HS2ST1: variants seen among roughly 807,000 people sequenced by gnomAD.
HS2ST1 encodes heparan sulfate 2-O-sulfotransferase 1, also known as 2-O-sulfotransferase.
Under a neutral mutation model 42.9 loss-of-function variants are expected in HS2ST1, and 18 were observed. That is an observed-to-expected ratio of 0.42 (90% CI 0.29 to 0.62). HS2ST1 has a LOEUF of 0.62. Among genes scored for constraint, HS2ST1 ranks in the 20% least tolerant of loss-of-function variants. HS2ST1 has a pLI of 0.21. For synonymous variants in HS2ST1, 146 were observed against 152.9 expected (o/e 0.95, Z 0.33); for missense variants, 334 against 433.8 (o/e 0.77, Z 2.04).
chr1:87,081,685 G>C (rs1386970779), intron 2 of HS2ST1, among the ~76,000 whole-genome samples: 4 of 151,994 alleles, frequency 2.6e-5, no homozygotes, highest in Non-Finnish European at 5.9e-5. Flanking sequence ...ATGATGATCA[G>C]AACAGAAATA....
intron 1 of HS2ST1, among the ~76,000 whole-genome samples, chr1:87,003,546 A>G (rs1649349997): frequency 6.6e-6 from 1 of 152,092 alleles, no homozygotes; most frequent in African/African-American, 2.4e-5. Context: ...AATTTTTGTA[A>G]TTTCTTTTAT....
chr1:86,992,833 G>A lies in HS2ST1; in HGVS notation c.124+77673G>A, dbSNP rs576956574. Among the ~76,000 whole-genome samples the A allele has an allele frequency of 1.3e-4, 20 of 152,334 alleles. 1 individual carries two copies. The South Asian group carries it at 4.1e-3, about 32-fold the overall frequency. On this transcript the variant is annotated intron_variant, in intron 1 of 6. Transcript: ENST00000370550. Reference sequence around the variant, plus strand: ...ACAGGAGCCTTCATAAGGAAATGAAGACCTGAAGTAGCTGAACCTGAGTGT... The same window carrying A: ...ACAGGAGCCTTCATAAGGAAATGAAAACCTGAAGTAGCTGAACCTGAGTGT...
chr1:87,103,604 G>C lies in HS2ST1; in HGVS notation c.844+15G>C, dbSNP rs752479978. ...CTATCGCACAGGTATATAAAGGAAG[G>C]GTTTCTTTTTAAAGCTTTCTTTGGT... On this transcript the variant is annotated intron_variant, in intron 6 of 6. Transcript: ENST00000370550. The C allele has an allele frequency of 3.3e-6, 5 of 1,515,618 alleles. No homozygotes were observed. The highest frequency in any genetic ancestry group is 2.7e-5 in the South Asian group (2 of 74,926). 93.9% of individuals were successfully genotyped at this position (1,515,618 alleles called of 1,614,324 possible). A position where few individuals can be genotyped will look rare whatever the true frequency, so the allele number is the denominator to read the frequency against.
intron 1 of HS2ST1, among the ~76,000 whole-genome samples, chr1:86,982,875 G>T (rs1398286493): frequency 6.6e-6 from 1 of 152,062 alleles, no homozygotes; most frequent in Admixed American, 6.6e-5. Flanking sequence ...AACCTAAATC[G>T]TCTCTCTCAA....
At chr1:86,967,549 A>G (rs957133827) in intron 1 of HS2ST1, among the ~76,000 whole-genome samples, 1 of 152,174 alleles carries the variant, frequency 6.6e-6, no homozygotes, top group African/African-American at 2.4e-5. Flanking sequence ...AACATAGGGT[A>G]TTTGGTTGTC....
At chr1:87,085,893 A>G (rs1352919792) in intron 3 of HS2ST1, among the ~76,000 whole-genome samples, 1 of 152,208 alleles carries the variant, frequency 6.6e-6, no homozygotes, top group Non-Finnish European at 1.5e-5. Context: ...TGAAGAGATT[A>G]ATCTCATTTA....
rs1652310682 is a variant in HS2ST1 at position 87,105,630 on chromosome 1, A to G, written c.*934A>G. 6.6e-6 allele frequency: 1 copy of G among 152,480 alleles called. No individual in the cohort carries two copies. Among genetic ancestry groups the G allele is most frequent in the Non-Finnish European group, 1.5e-5 (1 of 67,932 alleles). 9.4% of individuals were successfully genotyped at this position (152,480 alleles called of 1,614,324 possible). Reference sequence around the variant, plus strand: ...TTTATAATGTGTTTTAAAGCATTGCATTTACAAAACAAGGAAAATGCTGTA... The same window carrying G: ...TTTATAATGTGTTTTAAAGCATTGCGTTTACAAAACAAGGAAAATGCTGTA... On this transcript the variant is annotated 3_prime_UTR_variant, in exon 7 of 7. Coordinates refer to ENST00000370550, the MANE Select transcript of HS2ST1 (RefSeq NM_012262.4).
At chr1:87,005,624 T>C (rs535043148) in intron 1 of HS2ST1, among the ~76,000 whole-genome samples, 63 of 152,310 alleles carry the variant, frequency 4.1e-4, no homozygotes, top group African/African-American at 1.5e-3. Flanking sequence ...TTCCTTTATA[T>C]ATCATCACTT....
chr1:86,949,094 T>A (rs1647424832), intron 1 of HS2ST1, among the ~76,000 whole-genome samples: 1 of 152,166 alleles, frequency 6.6e-6, no homozygotes, highest in South Asian at 2.1e-4. Context: ...TAAAAAATGA[T>A]AAAAAATTTA....
At chr1:86,980,472 A>AT (rs72294738) in intron 1 of HS2ST1, among the ~76,000 whole-genome samples, 67 of 150,936 alleles carry the variant, frequency 4.4e-4, no homozygotes, top group East Asian at 1.2e-3. Context: ...CAATTCATTG[A>AT]TTTTTTTTTT....
chr1:87,082,489 T>C (rs572467168), intron 2 of HS2ST1, among the ~76,000 whole-genome samples: 1 of 152,292 alleles, frequency 6.6e-6, no homozygotes, highest in East Asian at 1.9e-4. Context: ...TCTCAGCTTC[T>C]GGAAAACAGA....
chr1:86,929,959 A>G (rs1276144163), intron 1 of HS2ST1, among the ~76,000 whole-genome samples: 3 of 151,856 alleles, frequency 2.0e-5, no homozygotes, highest in African/African-American at 4.8e-5. Flanking sequence ...ACTTTAGAAA[A>G]GACAAAATTC....
At chr1:87,018,721 G>C (rs1056132771) in intron 1 of HS2ST1, among the ~76,000 whole-genome samples, 8 of 152,160 alleles carry the variant, frequency 5.3e-5, no homozygotes, top group Admixed American at 2.0e-4. Flanking sequence ...TTAGTCTGGG[G>C]ATATAGTAGG....
In HS2ST1 at chr1:87,108,322, A is replaced by G. The variant is rs1652374102; in HGVS notation, c.*3626A>G. ...TGGATTTTTCCATTGGTCATTCCCA[A>G]ACACACCTATGGTCCTAGAATCCTT... On this transcript the variant is annotated 3_prime_UTR_variant, in exon 7 of 7. Coordinates refer to ENST00000370550, the MANE Select transcript of HS2ST1 (RefSeq NM_012262.4). 6.6e-6 allele frequency: 1 copy of G among 152,100 alleles called. No individual in the cohort carries two copies. Among genetic ancestry groups the G allele is most frequent in the South Asian group, 2.1e-4 (1 of 4,832 alleles). The allele number at this position is 152,100 out of a possible 1,614,324, so 9.4% of individuals were successfully genotyped here. A position where few individuals can be genotyped will look rare whatever the true frequency, so the allele number is the denominator to read the frequency against.
At chr1:86,984,205 C>T (rs939087392) in intron 1 of HS2ST1, among the ~76,000 whole-genome samples, 4 of 152,084 alleles carry the variant, frequency 2.6e-5, no homozygotes, top group African/African-American at 9.7e-5. Context: ...TCCAAAGTCA[C>T]AAATTAATAT....
chr1:87,060,165 A>C (rs868679323), intron 1 of HS2ST1, among the ~76,000 whole-genome samples: 1 of 152,134 alleles, frequency 6.6e-6, no homozygotes. Flanking sequence ...GAAGTTGCAA[A>C]GATAGTACAG....
chr1:87,083,525 A>G (rs997834297), intron 2 of HS2ST1, among the ~76,000 whole-genome samples: 2 of 152,116 alleles, frequency 1.3e-5, no homozygotes, highest in African/African-American at 4.8e-5. Context: ...TTCTATATTA[A>G]CCAGTTTTAG....
rs148957492 is a variant in HS2ST1, at chr1:86,929,276, AT to A, written c.124+14122del. ...AGGTTTAATATAGTCTACAGCCTAC[AT>A]TTTTTGGTGCTGTAGTTTTTCCCAG... On this transcript the variant is annotated intron_variant, in intron 1 of 6. Coordinates refer to ENST00000370550, the MANE Select transcript of HS2ST1 (RefSeq NM_012262.4). Among the ~76,000 whole-genome samples the A allele has an allele frequency of 7.1e-3, 1,073 of 151,914 alleles. 7 individuals carry two copies. The highest frequency in any genetic ancestry group is 9.0e-3 in the Non-Finnish European group (607 of 67,746).
At chr1:86,979,892 A>T (rs1281503955) in intron 1 of HS2ST1, among the ~76,000 whole-genome samples, 1 of 152,158 alleles carries the variant, frequency 6.6e-6, no homozygotes, top group Non-Finnish European at 1.5e-5. Context: ...TTTTTTTAGT[A>T]GCCATCCTAA....
Sources: gnomAD v4.1 joint callset for allele counts (sites outside exome capture counted in the v4.1 genomes callset) on GRCh38, gnomAD v4.1.1 for gene constraint, MANE v1.5 for transcripts, NCBI Gene and HGNC (gene_info 2026-07-23, HGNC 2026-07-21) for gene names.